FAM135B: variants seen among roughly 807,000 people sequenced by gnomAD.
FAM135B encodes the protein protein FAM135B.
In FAM135B, 43 loss-of-function variants were observed where a neutral mutation model predicts 127.7. The ratio of observed to expected loss-of-function variants is 0.34; its 90% confidence interval spans 0.26 to 0.43. The LOEUF (loss-of-function observed/expected upper bound fraction) is 0.43, where lower values mean the gene tolerates loss of function less well. FAM135B is among the 20% of genes least tolerant of loss of function. The pLI is 1.00. For synonymous variants in FAM135B, 670 were observed against 665.1 expected (o/e 1.01, Z -0.11); for missense variants, 1,558 against 1,725.6 (o/e 0.90, Z 1.72).
chr8:138,154,786 G>A (rs548591278), intron 12 of FAM135B, among the ~76,000 whole-genome samples: 19 of 152,246 alleles, frequency 1.2e-4, no homozygotes, highest in Non-Finnish European at 8.8e-5. Flanking sequence ...CAAGAAATAC[G>A]GGACTATGTG....
At chr8:138,217,986 C>T (rs6577891) in intron 7 of FAM135B, among the ~76,000 whole-genome samples, 107,514 of 152,084 alleles carry the variant, frequency 0.71, 38,120 homozygotes, top group Middle Eastern at 0.8. Context: ...TTACCTCTGT[C>T]TTCCAAACAA....
At chr8:138,396,458 G>C (rs1202174986) in intron 1 of FAM135B, among the ~76,000 whole-genome samples, 1 of 152,182 alleles carries the variant, frequency 6.6e-6, no homozygotes, top group Non-Finnish European at 1.5e-5. Context: ...CAGGGCAAGA[G>C]TGGTGTGAAA....
At chr8:138,386,087 G>A (rs1370686220) in intron 1 of FAM135B, among the ~76,000 whole-genome samples, 5 of 151,754 alleles carry the variant, frequency 3.3e-5, no homozygotes, top group Admixed American at 6.6e-5. Context: ...GTGGTGGTGC[G>A]CACCTGTAAT....
intron 7 of FAM135B, among the ~76,000 whole-genome samples, chr8:138,207,097 A>G (rs1172367604): frequency 1.3e-5 from 2 of 152,128 alleles, no homozygotes; most frequent in South Asian, 2.1e-4. Flanking sequence ...CTCTCCTTCT[A>G]TAAATTTGTT....
intron 1 of FAM135B, among the ~76,000 whole-genome samples, chr8:138,401,291 G>A (rs1234895240): frequency 2.6e-5 from 4 of 152,118 alleles, no homozygotes; most frequent in Non-Finnish European, 5.9e-5. Context: ...GTTATTACCT[G>A]GACTGATTGT....
At chr8:138,140,004 A>G (rs929521696) in intron 17 of FAM135B, among the ~76,000 whole-genome samples, 1 of 152,218 alleles carries the variant, frequency 6.6e-6, no homozygotes, top group African/African-American at 2.4e-5. Context: ...GATTGGAGAT[A>G]TTATTGGTAA....
chr8:138,392,070 G>C (rs1330536625), intron 1 of FAM135B, among the ~76,000 whole-genome samples: 3 of 152,168 alleles, frequency 2.0e-5, no homozygotes, highest in Admixed American at 6.5e-5. Context: ...TAATTGCATG[G>C]AACCAAATAA....
chr8:138,354,971 A>G (rs1438045717), intron 2 of FAM135B, among the ~76,000 whole-genome samples: 2 of 152,038 alleles, frequency 1.3e-5, no homozygotes, highest in South Asian at 2.1e-4. Flanking sequence ...TTAACTCGTC[A>G]TTTACATTAG....
At chr8:138,487,108 G>C (rs543841840) in intron 1 of FAM135B, among the ~76,000 whole-genome samples, 2 of 152,234 alleles carry the variant, frequency 1.3e-5, no homozygotes, top group South Asian at 4.1e-4. Context: ...ATCAGAACTT[G>C]GATTCAAACC....
intron 1 of FAM135B, chr8:138,441,779 G>C (rs969227285): frequency 6.6e-6 from 1 of 151,568 alleles, no homozygotes; most frequent in Admixed American, 6.6e-5. Context: ...GATCATATGA[G>C]TGGACCTAGG....
chr8:138,147,012 C>T (rs1817711267), intron 14 of FAM135B, among the ~76,000 whole-genome samples: 1 of 152,056 alleles, frequency 6.6e-6, no homozygotes, highest in Admixed American at 6.5e-5. Context: ...GGGGGAAGTC[C>T]AGGTGTTTGG....
At chr8:138,398,985 A>T (rs750956143) in intron 1 of FAM135B, among the ~76,000 whole-genome samples, 1 of 152,216 alleles carries the variant, frequency 6.6e-6, no homozygotes, top group Non-Finnish European at 1.5e-5. Context: ...TCTAGAACAG[A>T]GCTCATTCTA....
chr8:138,367,918 G>C lies in FAM135B; in HGVS notation c.66C>G (p.Leu22=), dbSNP rs1830857312. 3 of 1,610,754 alleles carry C rather than the reference G, an allele frequency of 1.9e-6. No homozygotes were observed. In the Admixed American group the frequency reaches 5.0e-5, roughly 27 times the overall value. ...VELHKFYNVD[L]FQRGYYQIRV... ...TAAAGCATACTTACCCTCTCTGAAA[G>C]AGATCCACATTATAAAATTTATGTA... Residue 22 remains leucine (L), a synonymous_variant, in exon 2 of 20, where the codon CTC becomes CTG. Transcript: ENST00000395297.
At chr8:138,485,626 G>A (rs370756593) in intron 1 of FAM135B, among the ~76,000 whole-genome samples, 2 of 152,124 alleles carry the variant, frequency 1.3e-5, no homozygotes, top group East Asian at 1.9e-4. Context: ...AAAGCAACAC[G>A]ATTGAAGTCT....
At chr8:138,374,350 G>A (rs1347510093) in intron 1 of FAM135B, among the ~76,000 whole-genome samples, 1 of 152,188 alleles carries the variant, frequency 6.6e-6, no homozygotes, top group African/African-American at 2.4e-5. Context: ...ACTGACTTTT[G>A]TAGAGTATTA....
Position 138,151,737 on chromosome 8 carries a change from A to G in FAM135B, c.2738T>C (p.Val913Ala), listed in dbSNP as rs768085315. The G allele has an allele frequency of 6.2e-7, 1 of 1,614,146 alleles. No individual in the cohort carries two copies. Reference sequence around the variant, plus strand: ...ACTGTTGGAAAGAGCTTGCTGACCCACATTCAAGTCTTTAGGCATGCCCTT... The same window carrying G: ...ACTGTTGGAAAGAGCTTGCTGACCCGCATTCAAGTCTTTAGGCATGCCCTT... ...TPKGMPKDLN[V>A]GQQALSNSGI... Residue 913 changes from valine (V) to alanine (A), a missense_variant, in exon 13 of 20, where the codon GTG (valine) becomes GCG (alanine). Physicochemically the swap from Val to Ala is moderately conservative, Grantham distance 64. Coordinates refer to ENST00000395297, the MANE Select transcript of FAM135B (RefSeq NM_015912.4).
intron 18 of FAM135B, 79 bp from the exon 19 acceptor site, chr8:138,137,339 C>A: frequency 1.3e-6 from 1 of 793,774 alleles, no homozygotes. Context: ...GCACAAATTT[C>A]CAGACTTGTC....
intron 1 of FAM135B, among the ~76,000 whole-genome samples, chr8:138,452,434 C>G (rs550985097): frequency 6.6e-6 from 1 of 152,104 alleles, no homozygotes; most frequent in East Asian, 1.9e-4. Context: ...ATCTGCTTTT[C>G]AAAGTGGAGG....
chr8:138,249,501 A>T (rs1033790566), intron 6 of FAM135B, among the ~76,000 whole-genome samples: 1 of 152,152 alleles, frequency 6.6e-6, no homozygotes, highest in East Asian at 1.9e-4. Flanking sequence ...ATTCACTTAC[A>T]CTTTCCCTAG....
Sources: gnomAD v4.1 joint callset for allele counts (sites outside exome capture counted in the v4.1 genomes callset) on GRCh38, gnomAD v4.1.1 for gene constraint, MANE v1.5 for transcripts, NCBI Gene and HGNC (gene_info 2026-07-23, HGNC 2026-07-21) for gene names.